PUDP: variants seen among roughly 807,000 people sequenced by gnomAD.
PUDP encodes pseudouridine-5'-phosphatase.
In PUDP, 8 loss-of-function variants were observed where a neutral mutation model predicts 9.4. The observed-to-expected ratio is 0.85, with a 90% confidence interval of 0.50 to 1.53. PUDP has a LOEUF of 1.53. PUDP is among the 40% of genes most tolerant of loss of function. The probability of loss-of-function intolerance (pLI) is 0.00; values close to 1 mark genes in which losing one functional copy is unlikely to be tolerated. For synonymous variants in PUDP, 99 were observed against 80.7 expected (o/e 1.23, Z -1.22); for missense variants, 188 against 189.7 (o/e 0.99, Z 0.05).
chrX:7,077,526 C>T (rs1179232384), intron 2 of PUDP, 77 bp from the exon 3 acceptor site: 3 of 766,632 alleles, frequency 3.9e-6, no homozygotes, highest in Non-Finnish European at 5.8e-6. Flanking sequence ...ACAGTCCCTC[C>T]AGCTGTGTGG....
intron 3 of PUDP, among the ~76,000 whole-genome samples, chrX:6,942,065 G>A (rs747476748): frequency 3.0e-4 from 33 of 111,254 alleles, no homozygotes; most frequent in Middle Eastern, 9.3e-3. Flanking sequence ...CAGGAGGAGG[G>A]AGGCGAGGGG....
intron 1 of PUDP, among the ~76,000 whole-genome samples, chrX:7,129,958 A>G (rs1323718554): frequency 9.0e-6 from 1 of 111,662 alleles, no homozygotes; most frequent in Admixed American, 9.5e-5. Context: ...CCGCCCAACA[A>G]ATGGTTATTT....
chrX:6,903,963 T>A (rs1927730695), intron 3 of PUDP, among the ~76,000 whole-genome samples: 1 of 106,548 alleles, frequency 9.4e-6, no homozygotes, highest in Non-Finnish European at 1.9e-5. Flanking sequence ...TTTATTTTTT[T>A]TTTTTTGAGA....
intron 3 of PUDP, among the ~76,000 whole-genome samples, chrX:6,965,877 T>C (rs903827908): frequency 8.9e-6 from 1 of 111,884 alleles, no homozygotes; most frequent in Non-Finnish European, 1.9e-5. Flanking sequence ...GGTTGTAAGA[T>C]GTTGCAACCA....
chrX:6,950,000 C>T (rs893623604), intron 3 of PUDP, among the ~76,000 whole-genome samples: 1 of 111,179 alleles, frequency 9.0e-6, no homozygotes, highest in Non-Finnish European at 1.9e-5. Flanking sequence ...CTTGCCCTGT[C>T]TCCAGTATGG....
At chrX:7,001,256 T>TTATTGAAAAATTATAGAAA (rs1929321188) in intron 1 of PUDP, among the ~76,000 whole-genome samples, 1 of 110,765 alleles carries the variant, frequency 9.0e-6, no homozygotes, top group Non-Finnish European at 1.9e-5. Context: ...CAAAAACACT[T>TTATTGAAAAATTATAGAAA]TATTGAAAAA....
At chrX:6,739,031 GTAGCTAGTGAGGGGGA>G (rs778264988) in intron 3 of PUDP, among the ~76,000 whole-genome samples, 1 of 111,695 alleles carries the variant, frequency 9.0e-6, no homozygotes, top group South Asian at 3.8e-4. Context: ...AGTGCCTCTA[GTAGCTAGTGAGGGGGA>G]CAATTAGCAG....
chrX:7,040,006 T>C (rs1929900877), intron 1 of PUDP, among the ~76,000 whole-genome samples: 1 of 112,115 alleles, frequency 8.9e-6, no homozygotes, highest in Non-Finnish European at 1.9e-5. Context: ...AAACAGAATT[T>C]TGGGTTTCTT....
At chrX:6,990,484 A>T (rs949292257) in intron 1 of PUDP, among the ~76,000 whole-genome samples, 1 of 112,301 alleles carries the variant, frequency 8.9e-6, no homozygotes, top group African/African-American at 3.2e-5. Flanking sequence ...GTTCTAAAAA[A>T]CGAGGAATCA....
intron 3 of PUDP, among the ~76,000 whole-genome samples, chrX:6,934,119 G>A (rs1012218692): frequency 4.4e-4 from 46 of 103,953 alleles, no homozygotes; most frequent in African/African-American, 1.6e-3. Flanking sequence ...TCAGATTCAG[G>A]AAATACAGAG....
rs769344963 is a variant in PUDP, at chrX:7,007,964, A to T, written c.205-29621T>A. On this transcript the variant is annotated intron_variant and NMD_transcript_variant, in intron 1 of 3. Transcript: ENST00000655425. ...GGGCTTTATTATGGATAATAATAAA[A>T]TTTTTTTTTTCTTTTTTGAGATGGA... Among the ~76,000 whole-genome samples the T allele has an allele frequency of 3.4e-3, 371 of 108,561 alleles. 2 individuals are homozygous for T. The highest frequency in any genetic ancestry group is 4.4e-3 in the Non-Finnish European group (229 of 52,185). The allele number at this position is 108,561 out of a possible 115,157, so 94.3% of individuals were successfully genotyped here.
At chrX:6,923,268 A>G (rs189350091) in intron 3 of PUDP, among the ~76,000 whole-genome samples, 1 of 110,933 alleles carries the variant, frequency 9.0e-6, no homozygotes, top group East Asian at 2.8e-4. Flanking sequence ...CTCTACCTAC[A>G]CTTACTTACT....
rs780237236 is a variant in PUDP at position 6,950,922 on chromosome X, AC to A, written c.*247+26210del. Among the ~76,000 whole-genome samples, 6 of 104,176 alleles carry A rather than the reference AC, an allele frequency of 5.8e-5. No individual in the cohort carries two copies. The East Asian group carries it at 1.9e-3, about 32-fold the overall frequency. The allele number at this position is 104,176 out of a possible 115,157, so 90.5% of individuals were successfully genotyped here. On this transcript the variant is annotated intron_variant and NMD_transcript_variant, in intron 3 of 3. Coordinates refer to the PUDP transcript ENST00000655425. ...AGTAAGAGAGAACTCCTTCTGCCTA[AC>A]TAGCTTTGAGCTGAGACCTTGGTTG...
intron 1 of PUDP, among the ~76,000 whole-genome samples, chrX:7,041,121 A>AG (rs1311633169): frequency 1.8e-5 from 2 of 112,010 alleles, no homozygotes; most frequent in Non-Finnish European, 3.8e-5. Flanking sequence ...CATTTTTAAA[A>AG]GGAGATTAAT....
At chrX:7,002,296 G>A (rs956617735) in intron 1 of PUDP, among the ~76,000 whole-genome samples, 6 of 112,049 alleles carry the variant, frequency 5.4e-5, no homozygotes, top group African/African-American at 1.9e-4. Flanking sequence ...TATCAGCTGA[G>A]GTGCCCATAT....
intron 3 of PUDP, among the ~76,000 whole-genome samples, chrX:6,868,256 G>A (rs948113779): frequency 9.0e-6 from 1 of 111,649 alleles, no homozygotes; most frequent in African/African-American, 3.3e-5. Flanking sequence ...GTAATGAAGT[G>A]GACCTGGGCT....
chrX:6,971,635 C>G (rs765628781), intron 3 of PUDP, among the ~76,000 whole-genome samples: 5 of 107,887 alleles, frequency 4.6e-5, no homozygotes, highest in Non-Finnish European at 9.6e-5. Flanking sequence ...CTTGTTAGCC[C>G]GGATAGTCTT....
intron 3 of PUDP, among the ~76,000 whole-genome samples, chrX:6,772,821 T>G (rs942993572): frequency 1.3e-4 from 14 of 109,101 alleles, no homozygotes; most frequent in African/African-American, 4.7e-4. Flanking sequence ...CCCAGGACAT[T>G]AAGGTTGTAG....
chrX:6,986,538 C>T (rs183437354), intron 1 of PUDP, among the ~76,000 whole-genome samples: 3 of 111,954 alleles, frequency 2.7e-5, no homozygotes, highest in Admixed American at 9.5e-5. Context: ...AGAGGCACCC[C>T]TGTATTTTAA....
Sources: allele counts gnomAD v4.1 joint callset (sites outside exome capture counted in the v4.1 genomes callset), GRCh38; gene constraint gnomAD v4.1.1; transcripts MANE v1.5; gene names NCBI Gene and HGNC (gene_info 2026-07-23, HGNC 2026-07-21).